Variants in PITPNC1 observed in about 807,000 individuals in gnomAD.
PITPNC1 encodes the protein phosphatidylinositol transfer protein cytoplasmic 1, also known as cytoplasmic phosphatidylinositol transfer protein 1.
Under a neutral mutation model 44.7 loss-of-function variants are expected in PITPNC1, and 18 were observed. The observed-to-expected ratio is 0.40, with a 90% CI of 0.28 to 0.60. PITPNC1 has a LOEUF of 0.60. Ranked by LOEUF, PITPNC1 falls within the 20% of genes least tolerant of loss-of-function variation. The pLI is 0.39. For missense variants in PITPNC1, 290 were observed against 418.4 expected, an observed-to-expected ratio of 0.69 and a Z score of 2.68; for synonymous variants, 141 against 149.6, an observed-to-expected ratio of 0.94 and a Z score of 0.42.
intron 1 of PITPNC1, among the ~76,000 whole-genome samples, chr17:67,396,534 C>A (rs1229012312): frequency 6.6e-6 from 1 of 152,064 alleles, no homozygotes; most frequent in Non-Finnish European, 1.5e-5. Context: ...CCACACCTGG[C>A]TAATTTTTGT....
At chr17:67,414,457 T>C (rs1385636240) in intron 1 of PITPNC1, among the ~76,000 whole-genome samples, 3 of 149,868 alleles carry the variant, frequency 2.0e-5, no homozygotes, top group Non-Finnish European at 4.4e-5. Flanking sequence ...ATATATACTG[T>C]ATGCATCTAT....
chr17:67,614,237 C>A (rs1282585319), intron 5 of PITPNC1, among the ~76,000 whole-genome samples: 1 of 152,094 alleles, frequency 6.6e-6, no homozygotes, highest in Non-Finnish European at 1.5e-5. Context: ...GTCCTCAGAT[C>A]TTCTCTACTA....
At chr17:67,664,779 C>T (rs1423024517) in intron 6 of PITPNC1, among the ~76,000 whole-genome samples, 1 of 151,956 alleles carries the variant, frequency 6.6e-6, no homozygotes, top group Non-Finnish European at 1.5e-5. Context: ...GTGGCGCATG[C>T]CTGTAGTCCC....
At chr17:67,652,860 A>G (rs1455697469) in intron 6 of PITPNC1, among the ~76,000 whole-genome samples, 1 of 152,186 alleles carries the variant, frequency 6.6e-6, no homozygotes, top group East Asian at 1.9e-4. Context: ...TCCCCCCAGA[A>G]AGCTAGGTTG....
intron 6 of PITPNC1, among the ~76,000 whole-genome samples, chr17:67,657,152 C>A (rs1490916008): frequency 1.4e-5 from 2 of 146,390 alleles, no homozygotes; most frequent in Admixed American, 6.8e-5. Flanking sequence ...CCCTCCCCAC[C>A]CCCGTTTTTT....
intron 2 of PITPNC1, among the ~76,000 whole-genome samples, chr17:67,540,245 A>G (rs181294888): frequency 2.0e-5 from 3 of 152,212 alleles, no homozygotes; most frequent in African/African-American, 7.2e-5. Flanking sequence ...CTGGGATTAC[A>G]GGCACATGCT....
chr17:67,594,192 C>G (rs554486685), intron 5 of PITPNC1, among the ~76,000 whole-genome samples: 2 of 152,324 alleles, frequency 1.3e-5, no homozygotes, highest in East Asian at 3.9e-4. Context: ...CTTCGCTGTT[C>G]TGAACTTCCC....
intron 1 of PITPNC1, among the ~76,000 whole-genome samples, chr17:67,445,946 AT>A (rs140499065): frequency 9.3e-5 from 14 of 150,508 alleles, no homozygotes; most frequent in African/African-American, 3.2e-4. Flanking sequence ...TTTTTTTTGT[AT>A]TTTTTTTGGT....
intron 6 of PITPNC1, chr17:67,638,785 C>G (rs944598038): frequency 6.6e-6 from 1 of 151,886 alleles, no homozygotes; most frequent in African/African-American, 2.4e-5. Context: ...TGTTATGAAT[C>G]CAGTCGGTAG....
chr17:67,407,730 G>A (rs1343724538), intron 1 of PITPNC1, among the ~76,000 whole-genome samples: 1 of 151,718 alleles, frequency 6.6e-6, no homozygotes, highest in Admixed American at 6.6e-5. Context: ...GGAGGCAGAG[G>A]TTGCGGTGAG....
At position 67,573,675 on chromosome 17, in the gene PITPNC1, C is replaced by T. The variant is rs369814908; in HGVS notation, c.295-4511C>T. 9.3e-5 allele frequency among the ~76,000 whole-genome samples: 14 copies of T among 151,248 alleles called. No homozygotes were observed. The East Asian group carries it at 9.8e-4, about 11-fold the overall frequency. On this transcript the variant is annotated intron_variant, in intron 4 of 8. Coordinates refer to ENST00000581322, the MANE Select transcript of PITPNC1 (RefSeq NM_012417.4). ...CCTCCCGGGTTCAAGCGATTCTTCC[C>T]GCTCAGCCTCCCGAGTAGCTGGGAT...
chr17:67,394,632 G>C (rs532245418), intron 1 of PITPNC1, among the ~76,000 whole-genome samples: 40 of 152,268 alleles, frequency 2.6e-4, no homozygotes, highest in East Asian at 5.8e-4. Flanking sequence ...GGCCGGGCAC[G>C]GTGGCTCACG....
chr17:67,452,411 G>GGGC lies in PITPNC1; in HGVS notation c.48+74210_48+74212dup, dbSNP rs1423024637. On this transcript the variant is annotated intron_variant, in intron 1 of 8. Transcript: ENST00000581322. ...TTGATAGAGATTTGTTTCTAATTCG[G>GGGC]GGCTACTGTGAATATTGCTGCTGTG... 5.9e-5 allele frequency among the ~76,000 whole-genome samples: 9 copies of GGGC among 152,052 alleles called. No individual in the cohort carries two copies. In the East Asian group the frequency reaches 1.2e-3, roughly 20 times the overall value.
intron 6 of PITPNC1, among the ~76,000 whole-genome samples, chr17:67,651,240 C>T (rs1431989878): frequency 2.0e-5 from 3 of 152,142 alleles, no homozygotes; most frequent in African/African-American, 7.2e-5. Context: ...TGGCTGGGCA[C>T]AATAGCTCAC....
intron 1 of PITPNC1, 42 bp from the exon 2 acceptor site, chr17:67,532,760 C>T (rs1054276390): frequency 1.9e-5 from 28 of 1,503,420 alleles, no homozygotes; most frequent in Middle Eastern, 1.9e-4. Flanking sequence ...GTCAGGGGCA[C>T]GCTGTGGGGC....
At position 67,395,799 on chromosome 17, in the gene PITPNC1, C is replaced by G. The variant is rs28504571; in HGVS notation, c.48+17597C>G. On this transcript the variant is annotated intron_variant, in intron 1 of 8. Transcript: ENST00000581322. Reference sequence around the variant, plus strand: ...TGTGATTTTTTAAATCCTGCCCCCCCACCCAAGTGCCAGGAGTTTGGTAAC... The same window carrying G: ...TGTGATTTTTTAAATCCTGCCCCCCGACCCAAGTGCCAGGAGTTTGGTAAC... Among the ~76,000 whole-genome samples, 1,158 of 152,244 alleles carry G rather than the reference C, an allele frequency of 7.6e-3. 15 individuals are homozygous for G. The highest frequency in any genetic ancestry group is 0.027 in the African/African-American group (1,105 of 41,548).
Position 67,556,249 on chromosome 17 carries a change from A to G in PITPNC1, c.294+2632A>G, listed in dbSNP as rs117990928. Reference sequence around the variant, plus strand: ...TTTGGGGACAGGGCTACAGTCCCCAATGTGGGAGACAGGAAGAAAAGTACA... The same window carrying G: ...TTTGGGGACAGGGCTACAGTCCCCAGTGTGGGAGACAGGAAGAAAAGTACA... On this transcript the variant is annotated intron_variant, in intron 4 of 8. Coordinates refer to ENST00000581322, the MANE Select transcript of PITPNC1 (RefSeq NM_012417.4). Among the ~76,000 whole-genome samples, 90 of 152,326 alleles carry G rather than the reference A, an allele frequency of 5.9e-4. No homozygotes were observed. In the East Asian group the frequency reaches 0.014, roughly 23 times the overall value.
chr17:67,388,845 C>G (rs183119163), intron 1 of PITPNC1, among the ~76,000 whole-genome samples: 14 of 152,300 alleles, frequency 9.2e-5, no homozygotes, highest in Non-Finnish European at 1.8e-4. Flanking sequence ...GTCTCGAACT[C>G]CTGACCTCCG....
chr17:67,407,561 G>T (rs1006290370), intron 1 of PITPNC1, among the ~76,000 whole-genome samples: 2 of 152,118 alleles, frequency 1.3e-5, no homozygotes, highest in Non-Finnish European at 2.9e-5. Flanking sequence ...CCAGCACTTT[G>T]GGGGGCTGAG....
Sources: allele counts gnomAD v4.1 joint callset (sites outside exome capture counted in the v4.1 genomes callset), GRCh38; gene constraint gnomAD v4.1.1; transcripts MANE v1.5; gene names NCBI Gene and HGNC (gene_info 2026-07-23, HGNC 2026-07-21).